Variants in LPCAT3 observed in about 807,000 individuals in gnomAD.
LPCAT3 encodes lysophospholipid acyltransferase 5.
A neutral mutation model predicts 63.4 loss-of-function variants in LPCAT3; 21 were observed. The ratio of observed to expected loss-of-function variants is 0.33; its 90% CI spans 0.23 to 0.48. The LOEUF is 0.48. Among genes scored for constraint, LPCAT3 ranks in the 20% least tolerant of loss-of-function variants. The pLI, the probability that LPCAT3 is intolerant of heterozygous loss-of-function variation, is 0.99. For synonymous variants in LPCAT3, 242 were observed against 227.5 expected (o/e 1.06, Z -0.58); for missense variants, 451 against 590.6 (o/e 0.76, Z 2.45).
chr12:6,994,063 C>CT (rs1263014789), intron 1 of LPCAT3, among the ~76,000 whole-genome samples: 19 of 152,352 alleles, frequency 1.2e-4, no homozygotes, highest in African/African-American at 4.3e-4. Context: ...TCTTGAACTC[C>CT]TGGCCTCAAA....
intron 1 of LPCAT3, among the ~76,000 whole-genome samples, chr12:7,015,813 G>A (rs1946794092): frequency 6.6e-6 from 1 of 152,080 alleles, no homozygotes; most frequent in South Asian, 2.1e-4. Context: ...AATGAGAGAA[G>A]ATGAGAGAAG....
intron 5 of LPCAT3, 94 bp from the exon 6 acceptor site, chr12:6,981,276 G>A: frequency 4.8e-6 from 5 of 1,046,608 alleles, no homozygotes; most frequent in East Asian, 2.4e-5. Flanking sequence ...CCCACTGACT[G>A]GGGTTCTTCA....
intron 1 of LPCAT3, among the ~76,000 whole-genome samples, chr12:6,997,928 A>G (rs1175486754): frequency 1.3e-5 from 2 of 151,966 alleles, no homozygotes; most frequent in African/African-American, 2.4e-5. Context: ...GGGTTTCACC[A>G]TGTTGGCCAG....
In LPCAT3 at chr12:7,004,193, C is replaced by G. The variant is rs74500977; in HGVS notation, c.151+14081G>C. ...AGTAGATGGAGTTTTTTTAAAGGGT[C>G]ATTTTTCACAAAGAAAAATTTGTTT... On this transcript the variant is annotated intron_variant, in intron 1 of 12. Coordinates refer to ENST00000261407, the MANE Select transcript of LPCAT3 (RefSeq NM_005768.6). Among the ~76,000 whole-genome samples the G allele has an allele frequency of 1.7e-3, 258 of 152,110 alleles. 8 individuals carry two copies. The East Asian group carries it at 0.046, about 27-fold the overall frequency.
chr12:6,982,558 T>C (rs1231350366), intron 3 of LPCAT3, 118 bp downstream of exon 3: 14 of 718,232 alleles, frequency 1.9e-5, no homozygotes, highest in Non-Finnish European at 3.4e-5. Flanking sequence ...TACTGCTAAG[T>C]GCTGGGAGAG....
intron 1 of LPCAT3, among the ~76,000 whole-genome samples, chr12:6,994,420 C>A (rs782358943): frequency 2.0e-5 from 3 of 152,108 alleles, no homozygotes; most frequent in Non-Finnish European, 4.4e-5. Context: ...GTTGGCCAGG[C>A]TAGTCTCGAA....
intron 6 of LPCAT3, among the ~76,000 whole-genome samples, chr12:6,980,451 A>C (rs61170325): frequency 6.6e-6 from 1 of 151,918 alleles, no homozygotes. Flanking sequence ...CCTCCCCTGG[A>C]CTCAAGCAAT....
At chr12:6,984,932 A>G (rs1264360213) in intron 1 of LPCAT3, among the ~76,000 whole-genome samples, 1 of 152,116 alleles carries the variant, frequency 6.6e-6, no homozygotes, top group Non-Finnish European at 1.5e-5. Flanking sequence ...AGTTTTTATC[A>G]TGGGCAATAC....
intron 1 of LPCAT3, among the ~76,000 whole-genome samples, chr12:6,994,038 T>G (rs782736061): frequency 1.3e-5 from 2 of 152,258 alleles, no homozygotes; most frequent in Non-Finnish European, 2.9e-5. Context: ...GGTCTCACTA[T>G]GTTGCCTAGG....
intron 1 of LPCAT3, among the ~76,000 whole-genome samples, chr12:6,992,420 A>G (rs1341596828): frequency 5.3e-5 from 8 of 152,014 alleles, no homozygotes; most frequent in African/African-American, 1.9e-4. Context: ...TAAAGAATGC[A>G]GTGACCACTG....
chr12:6,992,623 T>G lies in LPCAT3; in HGVS notation c.152-9084A>C, dbSNP rs1327562386. On this transcript the variant is annotated intron_variant, in intron 1 of 12. Transcript: ENST00000261407. ...TTTTAGGAGTAGTCTATGGACTGCA[T>G]GCTGATATGGAATGATTTGTTTTAA... is the stretch of plus-strand genomic sequence containing the variant. 2.0e-5 allele frequency among the ~76,000 whole-genome samples: 3 copies of G among 152,252 alleles called. No individual in the cohort carries two copies. In the East Asian group the frequency reaches 5.8e-4, roughly 29 times the overall value.
In LPCAT3 at chr12:6,993,048, G is replaced by T. The variant is rs1946603883; in HGVS notation, c.152-9509C>A. On this transcript the variant is annotated intron_variant, in intron 1 of 12. Coordinates refer to ENST00000261407, the MANE Select transcript of LPCAT3 (RefSeq NM_005768.6). The stretch of plus-strand genomic sequence containing the variant: ...AATGTGGAACCCACAAATATGGAGG[G>T]CTGACTATACACAGTTTCCTGGATT... 5.3e-5 allele frequency among the ~76,000 whole-genome samples: 8 copies of T among 152,164 alleles called. No homozygotes were observed. In the South Asian group the frequency reaches 1.2e-3, roughly 24 times the overall value.
rs1591560866 is a variant in LPCAT3, at chr12:7,018,020, G to C, written c.151+254C>G. ...GGTAGAGCCTGGCACAAGAGGGCGG[G>C]GGCCCGACTGAGAGGCCAGAGGGCA... is the stretch of plus-strand genomic sequence containing the variant. On this transcript the variant is annotated intron_variant, in intron 1 of 12. Coordinates refer to ENST00000261407, the MANE Select transcript of LPCAT3 (RefSeq NM_005768.6). This position sits in a 1 kb window ranked among gnomAD's most constrained non-coding sequence, Gnocchi z 4.9. 6.6e-6 allele frequency among the ~76,000 whole-genome samples: 1 copy of C among 152,210 alleles called. No individual in the cohort carries two copies. The highest frequency in any genetic ancestry group is 1.9e-4 in the East Asian group (1 of 5,196).
chr12:7,018,152 C>G lies in LPCAT3; in HGVS notation c.151+122G>C. On this transcript the variant is annotated intron_variant, in intron 1 of 12. Coordinates refer to ENST00000261407, the MANE Select transcript of LPCAT3 (RefSeq NM_005768.6). This position sits in a 1 kb window ranked among gnomAD's most constrained non-coding sequence, Gnocchi z 4.9. ...GTAGCTGTTGGTGTGCTTCAGGATTCACACCCGCACCCGGCACAGCCCTCC... is the reference window on the plus strand; with the variant it reads ...GTAGCTGTTGGTGTGCTTCAGGATTGACACCCGCACCCGGCACAGCCCTCC... 8.5e-7 allele frequency: 1 copy of G among 1,172,848 alleles called. No homozygotes were observed. Among genetic ancestry groups the G allele is most frequent in the South Asian group, 1.4e-5 (1 of 71,692 alleles). 72.7% of individuals were successfully genotyped at this position (1,172,848 alleles called of 1,614,324 possible). A position where few individuals can be genotyped will look rare whatever the true frequency, so the allele number is the denominator to read the frequency against.
chr12:6,988,067 A>C (rs1946546301), intron 1 of LPCAT3: 7 of 341,878 alleles, frequency 2.0e-5, no homozygotes, highest in Non-Finnish European at 3.7e-5. Context: ...AAAAAGATTT[A>C]AGACAAAAGC....
intron 1 of LPCAT3, among the ~76,000 whole-genome samples, chr12:6,984,986 A>G (rs2138336417): frequency 6.6e-6 from 1 of 152,030 alleles, no homozygotes; most frequent in African/African-American, 2.4e-5. Context: ...TTAGAATAGT[A>G]TCATACAGAA....
intron 1 of LPCAT3, among the ~76,000 whole-genome samples, chr12:6,985,119 C>T (rs1167703157): frequency 2.1e-5 from 3 of 141,080 alleles, no homozygotes; most frequent in East Asian, 2.1e-4. Context: ...AGGCTGGGCG[C>T]GGTGGCTCAT....
intron 7 of LPCAT3, 160 bp from the exon 8 acceptor site, chr12:6,978,849 A>T: frequency 1.0e-6 from 1 of 969,866 alleles, no homozygotes; most frequent in Non-Finnish European, 1.5e-6. Context: ...CACAATAGGC[A>T]GAGAGGAATA....
intron 9 of LPCAT3, 139 bp downstream of exon 9, chr12:6,978,202 T>A (rs1258529438): frequency 1.1e-6 from 1 of 924,892 alleles, no homozygotes; most frequent in African/African-American, 2.1e-5. Flanking sequence ...TAGGTGGGGG[T>A]CAAAGTCAGT....
Sources: gnomAD v4.1 joint callset for allele counts (sites outside exome capture counted in the v4.1 genomes callset) on GRCh38, gnomAD v4.1.1 for gene constraint, Gnocchi (gnomAD v3.1) non-coding constraint, MANE v1.5 for transcripts, NCBI Gene and HGNC (gene_info 2026-07-23, HGNC 2026-07-21) for gene names.